Variants in NUSAP1 observed in about 807,000 individuals in gnomAD.
The protein encoded by NUSAP1 is nucleolar and spindle-associated protein 1.
Under a neutral mutation model 52.8 loss-of-function variants are expected in NUSAP1, and 32 were observed. The observed-to-expected ratio is 0.61, with a 90% CI of 0.46 to 0.81. The LOEUF (loss-of-function observed/expected upper bound fraction) is 0.81. NUSAP1 is among the 40% of genes least tolerant of loss of function. The pLI, the probability that NUSAP1 is intolerant of heterozygous loss-of-function variation, is 0.00. For synonymous variants in NUSAP1, 195 were observed against 183.1 expected (o/e 1.06, Z -0.52); for missense variants, 499 against 522.3 (o/e 0.96, Z 0.43).
intron 10 of NUSAP1, among the ~76,000 whole-genome samples, chr15:41,378,399 G>C (rs1313171920): frequency 6.6e-6 from 1 of 152,180 alleles, no homozygotes; most frequent in Non-Finnish European, 1.5e-5. Flanking sequence ...AGTCATGGTT[G>C]GGCCCAGATT....
At chr15:41,375,020 T>TC in intron 8 of NUSAP1, among the ~76,000 whole-genome samples, 1 of 145,826 alleles carries the variant, frequency 6.9e-6, no homozygotes, top group Non-Finnish European at 1.5e-5. Context: ...TTTTTTTTTT[T>TC]CCCTCTCTGA....
intron 10 of NUSAP1, among the ~76,000 whole-genome samples, chr15:41,379,347 A>C (rs2050119078): frequency 6.6e-6 from 1 of 151,206 alleles, no homozygotes; most frequent in Admixed American, 6.6e-5. Flanking sequence ...CCCAGACTGG[A>C]GTACAATGGC....
chr15:41,365,695 C>A, intron 7 of NUSAP1, 106 bp downstream of exon 7: 12 of 628,332 alleles, frequency 1.9e-5, no homozygotes, highest in Non-Finnish European at 2.5e-5. Context: ...TCATAGGGTA[C>A]ATAGTGATGT....
At chr15:41,338,657 A>AAG (rs957999451) in intron 1 of NUSAP1, among the ~76,000 whole-genome samples, 2 of 152,118 alleles carry the variant, frequency 1.3e-5, no homozygotes, top group African/African-American at 2.4e-5. Flanking sequence ...AAAGAAAAAA[A>AAG]AGAGAGAGAG....
chr15:41,351,814 A>AT (rs1206879205), intron 4 of NUSAP1: 2 of 152,186 alleles, frequency 1.3e-5, no homozygotes, highest in Non-Finnish European at 2.9e-5. Flanking sequence ...AAATGATGTC[A>AT]TTTTAACCTT....
chr15:41,342,375 C>A lies in NUSAP1; in HGVS notation c.94-11C>A, dbSNP rs549359458. On this transcript the variant is annotated splice_polypyrimidine_tract_variant and intron_variant, in intron 1 of 10. Transcript: ENST00000559596. ...TGACTTTTGGCTCTAATAATAAGGT[C>A]TCTCTTGCAGGCAACCAAGTTGTTA... is the stretch of plus-strand genomic sequence containing the variant. 5.1e-6 allele frequency: 8 copies of A among 1,563,480 alleles called. No homozygotes were observed. In the African/African-American group the frequency reaches 9.5e-5, roughly 19 times the overall value.
At chr15:41,359,524 T>C (rs1319460988) in intron 6 of NUSAP1, among the ~76,000 whole-genome samples, 1 of 152,190 alleles carries the variant, frequency 6.6e-6, no homozygotes, top group African/African-American at 2.4e-5. Context: ...GGGTGATAAA[T>C]TGTAAATAAT....
At chr15:41,349,395 G>C (rs1321227549) in intron 3 of NUSAP1, 154 bp downstream of exon 3, 2 of 647,306 alleles carry the variant, frequency 3.1e-6, no homozygotes, top group Admixed American at 3.0e-5. Context: ...AAGTCCAGCT[G>C]CTCATCACTG....
chr15:41,375,185 T>A (rs2049873936), intron 8 of NUSAP1, among the ~76,000 whole-genome samples: 1 of 150,396 alleles, frequency 6.6e-6, no homozygotes, highest in Non-Finnish European at 1.5e-5. Flanking sequence ...TTTTTTTTTT[T>A]TTTTTTTTTT....
At chr15:41,336,648 G>GTGTT (rs1555426223) in intron 1 of NUSAP1, among the ~76,000 whole-genome samples, 1 of 91,372 alleles carries the variant, frequency 1.1e-5, no homozygotes, top group African/African-American at 4.0e-5. Context: ...CCTCCTTTTG[G>GTGTT]TTTTTTTTTT....
Position 41,377,572 on chromosome 15 carries a change from G to A in NUSAP1, c.1232+268G>A, listed in dbSNP as rs113241347. On this transcript the variant is annotated intron_variant, in intron 10 of 10. Coordinates refer to ENST00000559596, the MANE Select transcript of NUSAP1 (RefSeq NM_016359.5). ...AAATTAGCTGGGCATGGTGGCGGGC[G>A]CCTGTAGTTCCAGCTACTCGGGAGG... Among the ~76,000 whole-genome samples the A allele has an allele frequency of 3.5e-3, 528 of 151,672 alleles. 6 individuals carry two copies. The highest frequency in any genetic ancestry group is 5.9e-3 in the Non-Finnish European group (403 of 67,948).
chr15:41,341,358 T>C (rs954833746), intron 1 of NUSAP1, among the ~76,000 whole-genome samples: 2 of 152,014 alleles, frequency 1.3e-5, no homozygotes, highest in African/African-American at 4.8e-5. Flanking sequence ...GCCACCCCGC[T>C]CAACCAAACT....
intron 2 of NUSAP1, among the ~76,000 whole-genome samples, chr15:41,343,693 G>A (rs2048450004): frequency 6.6e-6 from 1 of 151,534 alleles, no homozygotes; most frequent in African/African-American, 2.4e-5. Context: ...GTTTCACCAT[G>A]TTGGCCAGGC....
intron 7 of NUSAP1, among the ~76,000 whole-genome samples, chr15:41,369,961 G>C (rs1316792525): frequency 6.6e-6 from 1 of 151,822 alleles, no homozygotes; most frequent in Admixed American, 6.6e-5. Flanking sequence ...CCAGCTACTT[G>C]GGAGGCTGAG....
chr15:41,341,802 T>G (rs2048375896), intron 1 of NUSAP1, among the ~76,000 whole-genome samples: 1 of 152,222 alleles, frequency 6.6e-6, no homozygotes, highest in Admixed American at 6.5e-5. Context: ...TGCAAACTCT[T>G]CAGAGACTGC....
At chr15:41,359,280 C>T (rs75933654) in intron 6 of NUSAP1, among the ~76,000 whole-genome samples, 1,979 of 152,122 alleles carry the variant, frequency 0.013, 45 homozygotes, top group African/African-American at 0.046. Context: ...TATTTCTATT[C>T]GCTGTATTTA....
intron 2 of NUSAP1, among the ~76,000 whole-genome samples, chr15:41,347,129 AGCACT>A (rs1196789435): frequency 6.6e-6 from 1 of 151,846 alleles, no homozygotes; most frequent in East Asian, 1.9e-4. Flanking sequence ...CCGAGATTAT[AGCACT>A]GCACTCCAGC....
At chr15:41,346,220 C>G (rs969500730) in intron 2 of NUSAP1, among the ~76,000 whole-genome samples, 1 of 151,888 alleles carries the variant, frequency 6.6e-6, no homozygotes, top group Admixed American at 6.6e-5. Context: ...GGATTATAGG[C>G]GTGAGCCACC....
chr15:41,377,742 C>G (rs1404955479), intron 10 of NUSAP1, among the ~76,000 whole-genome samples: 2 of 149,740 alleles, frequency 1.3e-5, no homozygotes, highest in African/African-American at 2.5e-5. Flanking sequence ...CGGTGGCTCA[C>G]GCCTGTAATC....
Sources: gnomAD v4.1 joint callset for allele counts (sites outside exome capture counted in the v4.1 genomes callset) on GRCh38, gnomAD v4.1.1 for gene constraint, MANE v1.5 for transcripts, NCBI Gene and HGNC (gene_info 2026-07-23, HGNC 2026-07-21) for gene names.